Variants in SNURF observed in about 807,000 individuals in gnomAD.
SNURF encodes SNURF protein.
A neutral mutation model predicts 11.6 loss-of-function variants in SNURF; 6 were observed. The observed-to-expected ratio is 0.52, with a 90% CI of 0.28 to 1.02. The LOEUF is 1.02. Among genes scored for constraint, SNURF ranks in the 50% least tolerant of loss-of-function variants. SNURF has a pLI of 0.09. For missense variants in SNURF, 84 were observed against 88.4 expected (o/e 0.95, Z 0.20); for synonymous variants, 29 against 31.6 (o/e 0.92, Z 0.27).
downstream of SNURF, among the ~76,000 whole-genome samples, chr15:24,973,374 G>A (rs575252882): frequency 1.1e-4 from 17 of 152,164 alleles, no homozygotes; most frequent in South Asian, 3.3e-3. Context: ...CTCCTAATGT[G>A]TCCCCATTAC....
At chr15:24,969,534 C>G (rs1566968661), downstream of SNURF, among the ~76,000 whole-genome samples, 4 of 152,178 alleles carry the variant, frequency 2.6e-5, no homozygotes, top group African/African-American at 7.2e-5. Context: ...AAATTGGAAT[C>G]TAATCATTGT....
At chr15:24,973,260 G>C (rs1238354990), downstream of SNURF, among the ~76,000 whole-genome samples, 2 of 152,126 alleles carry the variant, frequency 1.3e-5, no homozygotes, top group East Asian at 1.9e-4. Flanking sequence ...CAGGTTTGTA[G>C]CCTAGGATCT....
intron 4 of SNURF, chr15:24,975,596 A>G: frequency 9.0e-7 from 1 of 1,116,630 alleles, no homozygotes; most frequent in Non-Finnish European, 1.3e-6. Context: ...TCCGAGGGTA[A>G]CTGAAGTAGT....
intron 5 of SNURF, chr15:24,976,782 A>G (rs2077111646): frequency 8.9e-7 from 1 of 1,120,100 alleles, no homozygotes; most frequent in African/African-American, 1.6e-5. Flanking sequence ...GATAGGTGTC[A>G]TGGGAAAATG....
At chr15:24,962,203 A>T (rs752792774) in exon 2 of SNURF, 1 of 1,613,526 alleles carries the variant, frequency 6.2e-7, no homozygotes, top group South Asian at 1.1e-5. Flanking sequence ...TCACTGAGCA[A>T]CCAAGAGTGA....
intron 2 of SNURF, among the ~76,000 whole-genome samples, chr15:24,962,879 G>A (rs2075048907): frequency 6.6e-6 from 1 of 151,748 alleles, no homozygotes; most frequent in South Asian, 2.1e-4. Context: ...TGATCAGTAG[G>A]TAGCATTTTT....
At chr15:24,973,983 A>G in intron 3 of SNURF, among the ~76,000 whole-genome samples, 1 of 152,216 alleles carries the variant, frequency 6.6e-6, no homozygotes, top group East Asian at 1.9e-4. Context: ...ATGACTTCAT[A>G]TTAATTCTGA....
intron 3 of SNURF, among the ~76,000 whole-genome samples, chr15:24,974,008 C>T (rs2076777057): frequency 6.6e-6 from 1 of 152,130 alleles, no homozygotes; most frequent in East Asian, 1.9e-4. Flanking sequence ...GAGAGAGAGA[C>T]ACTACCTTAA....
At chr15:24,967,313 C>G (rs1034898183) in intron 2 of SNURF, 1 of 152,940 alleles carries the variant, frequency 6.5e-6, no homozygotes, top group East Asian at 1.9e-4. Flanking sequence ...GTTATAATTT[C>G]TCATAAGATA....
intron 1 of SNURF, among the ~76,000 whole-genome samples, chr15:24,957,647 C>A (rs2063147558): frequency 6.6e-6 from 1 of 152,118 alleles, no homozygotes; most frequent in African/African-American, 2.4e-5. Flanking sequence ...ATCTACGAAG[C>A]CCGAAAAGCC....
At chr15:24,977,107 G>A in intron 6 of SNURF, 1 of 1,183,636 alleles carries the variant, frequency 8.4e-7, no homozygotes, top group Non-Finnish European at 1.2e-6. Flanking sequence ...AAAAACCTAA[G>A]TGTATGTGTC....
chr15:24,976,352 G>T, exon 5 of SNURF: 1 of 1,613,554 alleles, frequency 6.2e-7, no homozygotes, highest in Non-Finnish European at 8.5e-7. Flanking sequence ...CGGGTTTTGG[G>T]TCTGGTGTTG....
At chr15:24,968,254 C>A in exon 3 of SNURF, 1 of 521,526 alleles carries the variant, frequency 1.9e-6, no homozygotes, top group Non-Finnish European at 3.4e-6. Flanking sequence ...TCTGCCCTGA[C>A]ACTTTCGTCA....
At position 24,974,493 on chromosome 15, in the gene SNURF, T is replaced by C. The variant is rs17114933; in HGVS notation, c.*46-865T>C. ...GATAAGGCTGAGGGTTGAAATGTGC[T>C]GTAAGGGCCGAAAGAAATAGTTTGC... On this transcript the variant is annotated intron_variant and NMD_transcript_variant, in intron 3 of 6. Transcript: ENST00000580062. 7.4e-3 allele frequency: 11,822 copies of C among 1,607,020 alleles called. 735 individuals are homozygous for C. The African/African-American group carries it at 0.14, about 19-fold the overall frequency.
intron 1 of SNURF, among the ~76,000 whole-genome samples, chr15:24,957,532 T>C (rs1224253645): frequency 6.6e-6 from 1 of 152,220 alleles, no homozygotes; most frequent in African/African-American, 2.4e-5. Flanking sequence ...GGATTTTGTC[T>C]TCCTTTGCAG....
chr15:24,975,176 A>G (rs2076926669), intron 3 of SNURF, among the ~76,000 whole-genome samples: 1 of 152,136 alleles, frequency 6.6e-6, no homozygotes, highest in African/African-American at 2.4e-5. Flanking sequence ...ATACTTCATA[A>G]TCCTTTGTGG....
chr15:24,966,179 A>G (rs2075601494), intron 2 of SNURF, among the ~76,000 whole-genome samples: 1 of 152,180 alleles, frequency 6.6e-6, no homozygotes, highest in South Asian at 2.1e-4. Context: ...CACACTTCCG[A>G]CCAACAGTCT....
At chr15:24,966,659 C>G (rs2075685592) in intron 2 of SNURF, among the ~76,000 whole-genome samples, 1 of 152,154 alleles carries the variant, frequency 6.6e-6, no homozygotes, top group African/African-American at 2.4e-5. Flanking sequence ...ACATTTCTTT[C>G]ACTGGGTAAA....
chr15:24,975,521 T>G, intron 4 of SNURF: 2 of 1,611,012 alleles, frequency 1.2e-6, no homozygotes, highest in Non-Finnish European at 1.7e-6. Context: ...TAAGGCTGAT[T>G]TGGGCAAATG....
Sources: allele counts gnomAD v4.1 joint callset (sites outside exome capture counted in the v4.1 genomes callset), GRCh38; gene constraint gnomAD v4.1.1; transcripts MANE v1.5; gene names NCBI Gene and HGNC (gene_info 2026-07-23, HGNC 2026-07-21).